Variants in CCDC102A observed in about 807,000 individuals in gnomAD.
CCDC102A encodes the protein coiled-coil domain-containing protein 102A.
CCDC102A carries 40 observed loss-of-function variants against 55.5 expected under a neutral mutation model. That is an observed-to-expected ratio of 0.72 (90% CI 0.56 to 0.94). The LOEUF is 0.94. Ranked by LOEUF, CCDC102A falls within the 40% of genes least tolerant of loss-of-function variation. The pLI, the probability that CCDC102A is intolerant of heterozygous loss-of-function variation, is 0.00. For missense variants in CCDC102A, 779 were observed against 768.6 expected (o/e 1.01, Z -0.16); for synonymous variants, 323 against 339.0 (o/e 0.95, Z 0.52).
intron 1 of CCDC102A, among the ~76,000 whole-genome samples, chr16:57,530,224 C>T (rs1216806166): frequency 6.6e-6 from 1 of 152,176 alleles, no homozygotes; most frequent in East Asian, 1.9e-4. Context: ...CTCTTGTTCT[C>T]TGTGTCTCAC....
At chr16:57,534,060 G>T (rs1435932769) in intron 1 of CCDC102A, among the ~76,000 whole-genome samples, 4 of 152,244 alleles carry the variant, frequency 2.6e-5, no homozygotes, top group African/African-American at 9.6e-5. Flanking sequence ...TAAGTCTCTG[G>T]GTTTGTATTC....
At position 57,528,870 on chromosome 16, in the gene CCDC102A, T is replaced by C. The variant is rs781748241; in HGVS notation, c.308A>G (p.Asn103Ser). The change falls in exon 2 of 9, where the codon AAT (asparagine) becomes AGT (serine). Residue 103 changes from asparagine to serine, a missense_variant. Physicochemically the swap from Asn to Ser is conservative, Grantham distance 46. Transcript: ENST00000258214. ...CACCTTGCTCCATTTCTCGCGCCAATTGGCAGTGCAGTCCGACCACCGGCG... is the reference window on the plus strand; with the variant it reads ...CACCTTGCTCCATTTCTCGCGCCAACTGGCAGTGCAGTCCGACCACCGGCG... ...TMRRWSDCTA[N>S]WREKWSKVRA... The C allele has an allele frequency of 4.4e-6, 6 of 1,364,722 alleles. No individual in the cohort carries two copies. Among genetic ancestry groups the C allele is most frequent in the East Asian group, 6.6e-5 (2 of 30,260 alleles). 84.5% of individuals were successfully genotyped at this position (1,364,722 alleles called of 1,614,324 possible).
Position 57,518,051 on chromosome 16 carries a change from TCCA to T in CCDC102A, c.1248+14_1248+16del, listed in dbSNP as rs763096016. The T allele has an allele frequency of 5.7e-6, 9 of 1,583,758 alleles. No homozygotes were observed. The highest frequency in any genetic ancestry group is 2.7e-5 in the African/African-American group (2 of 74,356). On this transcript the variant is annotated intron_variant, in intron 6 of 8. Coordinates refer to ENST00000258214, the MANE Select transcript of CCDC102A (RefSeq NM_033212.4). ...AGGTGGCAGCCCCAGCACTGGCCAC[TCCA>T]CTCCTTGCCCCACCTTGTTCTTCTC... is the stretch of plus-strand genomic sequence containing the variant.
rs543363617 is a variant in CCDC102A at position 57,529,926 on chromosome 16, T to A, written c.-147-602A>T. On this transcript the variant is annotated intron_variant, in intron 1 of 8. Coordinates refer to ENST00000258214, the MANE Select transcript of CCDC102A (RefSeq NM_033212.4). This position sits in a 1 kb window ranked among gnomAD's most constrained non-coding sequence, Gnocchi z 4.1. ...CAACACATGATGACAATGATATTTG[T>A]GGAGGGCAGGCCACAAGCCAGGCAC... is the stretch of plus-strand genomic sequence containing the variant. Among the ~76,000 whole-genome samples, 1 of 152,288 alleles carries A rather than the reference T, an allele frequency of 6.6e-6. No individual in the cohort carries two copies. Among genetic ancestry groups the A allele is most frequent in the African/African-American group, 2.4e-5 (1 of 41,540 alleles).
intron 2 of CCDC102A, among the ~76,000 whole-genome samples, chr16:57,527,397 G>A (rs757240521): frequency 2.0e-5 from 3 of 151,378 alleles, no homozygotes; most frequent in Admixed American, 6.6e-5. Context: ...AGTTGTCACC[G>A]GCTGGCAGAC....
intron 3 of CCDC102A, 88 bp from the exon 4 acceptor site, chr16:57,521,264 C>A (rs1424436765): frequency 3.0e-6 from 3 of 1,000,812 alleles, no homozygotes; most frequent in Non-Finnish European, 4.7e-6. Flanking sequence ...GTGCCCTCTG[C>A]ACTTGTTGAG....
rs1462504824 is a variant in CCDC102A, at chr16:57,528,916, CCGCCCG to C, written c.256_261del (p.Arg86_Ala87del). On this transcript the variant is annotated inframe_deletion, in exon 2 of 9. Transcript: ENST00000258214. ...CGGCGCATGGTCTTCTCCATCTGCG[CCGCCCG>C]CGCCCGCGCCTCCTCCAGCTCCCGC... 5.0e-6 allele frequency: 7 copies of C among 1,401,804 alleles called. No homozygotes were observed. The highest frequency in any genetic ancestry group is 2.5e-5 in the Admixed American group (1 of 40,196). The allele number at this position is 1,401,804 out of a possible 1,614,324, so 86.8% of individuals were successfully genotyped here.
At chr16:57,531,564 C>G (rs981402558) in intron 1 of CCDC102A, among the ~76,000 whole-genome samples, 1 of 152,154 alleles carries the variant, frequency 6.6e-6, no homozygotes, top group Non-Finnish European at 1.5e-5. Context: ...CTTGTAAGAA[C>G]CTGACCACTC....
intron 4 of CCDC102A, among the ~76,000 whole-genome samples, chr16:57,519,578 G>A (rs1474003286): frequency 6.6e-6 from 1 of 152,240 alleles, no homozygotes; most frequent in Non-Finnish European, 1.5e-5. Context: ...GCTGCTCCCT[G>A]TAACACACGG....
At position 57,526,097 on chromosome 16, in the gene CCDC102A, T is replaced by C; in HGVS notation, c.616A>G (p.Ser206Gly). 1 of 1,563,728 alleles carries C rather than the reference T, an allele frequency of 6.4e-7. No individual in the cohort carries two copies. The highest frequency in any genetic ancestry group is 8.6e-7 in the Non-Finnish European group (1 of 1,161,258). ...ELELVESLLKSMPEESEDCWE... is the reference protein window; with the variant it reads ...ELELVESLLKGMPEESEDCWE... The stretch of plus-strand genomic sequence containing the variant: ...CAGTCCTCAGACTCCTCTGGCATGC[T>C]CTTCAGCAGGCTCTCCACCAGCTCC... Residue 206 changes from serine to glycine, a missense_variant, in exon 3 of 9, where the codon AGC (serine) becomes GGC (glycine). Transcript: ENST00000258214.
intron 1 of CCDC102A, among the ~76,000 whole-genome samples, chr16:57,534,622 A>T (rs750419799): frequency 6.6e-6 from 1 of 152,200 alleles, no homozygotes; most frequent in Non-Finnish European, 1.5e-5. Context: ...GAGCGAGGGC[A>T]TCAGCACAGG....
intron 4 of CCDC102A, among the ~76,000 whole-genome samples, chr16:57,519,715 GAA>G (rs2146702191): frequency 6.6e-6 from 1 of 152,318 alleles, no homozygotes; most frequent in East Asian, 1.9e-4. Flanking sequence ...TTCATAATTT[GAA>G]AAGACTAAAA....
At chr16:57,517,624 G>C (rs1172145538) in intron 6 of CCDC102A, among the ~76,000 whole-genome samples, 3 of 152,226 alleles carry the variant, frequency 2.0e-5, no homozygotes, top group African/African-American at 7.2e-5. Context: ...GATTACAGAT[G>C]TGTGCCACTG....
intron 4 of CCDC102A, among the ~76,000 whole-genome samples, chr16:57,520,593 T>TA (rs2032031205): frequency 8.7e-6 from 1 of 114,516 alleles, no homozygotes; most frequent in Non-Finnish European, 1.9e-5. Context: ...TAACATAACA[T>TA]AAATAAAATA....
rs755417952 is a variant in CCDC102A, at chr16:57,521,077, C to T, written c.912G>A (p.Met304Ile). The change falls in exon 4 of 9, where the codon ATG (methionine) becomes ATA (isoleucine). Residue 304 changes from methionine to isoleucine, a missense_variant. Coordinates refer to ENST00000258214, the MANE Select transcript of CCDC102A (RefSeq NM_033212.4). ...YEELSKTKQE[M>I]LKQLSILKEA... Reference sequence around the variant, plus strand: ...GGTCTCCAAGACTCACCTGCTTGAGCATCTCCTGCTTGGTCTTGCTCAGCT... The same window carrying T: ...GGTCTCCAAGACTCACCTGCTTGAGTATCTCCTGCTTGGTCTTGCTCAGCT... The T allele has an allele frequency of 5.0e-6, 8 of 1,612,856 alleles. No individual in the cohort carries two copies. In the South Asian group the frequency reaches 8.8e-5, roughly 18 times the overall value.
rs752125279 is a variant in CCDC102A at position 57,528,715 on chromosome 16, G to A, written c.463C>T (p.Arg155Cys). 334 of 1,129,000 alleles carry A rather than the reference G, an allele frequency of 3.0e-4. 1 individual carries two copies. Among genetic ancestry groups the A allele is most frequent in the South Asian group, 1.7e-3 (61 of 35,240 alleles). 69.9% of individuals were successfully genotyped at this position (1,129,000 alleles called of 1,614,324 possible). Residue 155 changes from arginine to cysteine, a missense_variant, in exon 2 of 9, where the codon CGC (arginine) becomes TGC (cysteine). Physicochemically the swap from Arg to Cys is radical, Grantham distance 180. Transcript: ENST00000258214. The part of the protein sequence containing the change: ...EAQGECEARG[R>C]ELARLRGARG... ...GCGCCCCTCAGCCGCGCCAGCTCGC[G>A]GCCCCGTGCCTCGCACTCGCCCTGC...
intron 2 of CCDC102A, 108 bp downstream of exon 2, chr16:57,528,485 T>G (rs556646172): frequency 1.2e-6 from 1 of 824,306 alleles, no homozygotes; most frequent in Non-Finnish European, 1.5e-6. Context: ...AAGTGAAACC[T>G]CCAGGAGGCC....
rs1744960919 is a variant in CCDC102A, at chr16:57,515,283, C to T, written c.1523+58G>A. ...CCTTGGTTTGGGCTCCGTCCCTGAC[C>T]GGAGGGTTCCCTGGCTGGAAGTCTC... On this transcript the variant is annotated intron_variant, in intron 8 of 8. Transcript: ENST00000258214. 1.4e-5 allele frequency: 16 copies of T among 1,121,020 alleles called. No individual in the cohort carries two copies. In the East Asian group the frequency reaches 1.8e-4, roughly 12 times the overall value. 69.4% of individuals were successfully genotyped at this position (1,121,020 alleles called of 1,614,324 possible).
chr16:57,529,247 G>C lies in CCDC102A; in HGVS notation c.-70C>G. ...AGGGGCGGCTCCGGGGACGCGCGGC[G>C]GGCGCGATACAACTGTGCATGATGA... On this transcript the variant is annotated 5_prime_UTR_variant, in exon 2 of 9. Transcript: ENST00000258214. The surrounding 1 kb of genome is among the most constrained non-coding windows in gnomAD (Gnocchi z 4.1). 1 of 1,128,226 alleles carries C rather than the reference G, an allele frequency of 8.9e-7. No individual in the cohort carries two copies. Among genetic ancestry groups the C allele is most frequent in the African/African-American group, 1.7e-5 (1 of 60,038 alleles). The allele number at this position is 1,128,226 out of a possible 1,614,324, so 69.9% of individuals were successfully genotyped here. A position where few individuals can be genotyped will look rare whatever the true frequency, so the allele number is the denominator to read the frequency against.
Sources: gnomAD v4.1 joint callset for allele counts (sites outside exome capture counted in the v4.1 genomes callset) on GRCh38, gnomAD v4.1.1 for gene constraint, Gnocchi (gnomAD v3.1) non-coding constraint, MANE v1.5 for transcripts, NCBI Gene and HGNC (gene_info 2026-07-23, HGNC 2026-07-21) for gene names.